Variants in RASSF3 observed in about 807,000 individuals in gnomAD.
RASSF3 encodes ras association domain-containing protein 3.
A neutral mutation model predicts 19.9 loss-of-function variants in RASSF3; 19 were observed. That is an observed-to-expected ratio of 0.96 (90% CI 0.67 to 1.40). The LOEUF is 1.40. RASSF3 is among the 40% of genes most tolerant of loss of function. The pLI, the probability that RASSF3 is intolerant of heterozygous loss-of-function variation, is 0.00. For missense variants in RASSF3, 306 were observed against 289.8 expected, an observed-to-expected ratio of 1.06 and a Z score of -0.41; for synonymous variants, 110 against 104.2, an observed-to-expected ratio of 1.06 and a Z score of -0.34.
intron 1 of RASSF3, among the ~76,000 whole-genome samples, chr12:64,525,863 G>C (rs116060657): frequency 6.6e-6 from 1 of 152,088 alleles, no homozygotes; most frequent in Non-Finnish European, 1.5e-5. Context: ...ACTGTGATGC[G>C]TGTGAAAGAC....
downstream of RASSF3, among the ~76,000 whole-genome samples, chr12:64,544,224 C>A (rs185599020): frequency 4.0e-5 from 6 of 151,850 alleles, no homozygotes; most frequent in Admixed American, 2.6e-4. Context: ...GTGAAGCCAT[C>A]GAGACCACGA....
At chr12:64,586,494 A>C (rs1869805012) in intron 2 of RASSF3, among the ~76,000 whole-genome samples, 1 of 141,284 alleles carries the variant, frequency 7.1e-6, no homozygotes, top group Non-Finnish European at 1.6e-5. Flanking sequence ...CTTCTCAGAA[A>C]AAAAAAAAAA....
chr12:64,536,056 T>G (rs1250237936), intron 1 of RASSF3, among the ~76,000 whole-genome samples: 1 of 138,716 alleles, frequency 7.2e-6, no homozygotes, highest in African/African-American at 2.7e-5. Flanking sequence ...TGGAGTGCAG[T>G]GGCACAATCT....
chr12:64,514,188 CTTTTT>C (rs138925359), intron 1 of RASSF3, among the ~76,000 whole-genome samples: 2 of 77,988 alleles, frequency 2.6e-5, no homozygotes, highest in Non-Finnish European at 4.5e-5. Context: ...CGCTCAGCCT[CTTTTT>C]TTTTTTTTTT....
intron 1 of RASSF3, among the ~76,000 whole-genome samples, chr12:64,681,188 TG>T (rs1873112909): frequency 1.3e-5 from 2 of 152,144 alleles, no homozygotes; most frequent in African/African-American, 4.8e-5. Flanking sequence ...CTCACGTGAG[TG>T]GTAGTAAGCC....
chr12:64,634,768 A>T (rs1361527592), intron 1 of RASSF3, among the ~76,000 whole-genome samples: 3 of 65,908 alleles, frequency 4.6e-5, no homozygotes, highest in South Asian at 4.4e-4. Flanking sequence ...CTCATAAAAA[A>T]AAAAAAAAAA....
intron 1 of RASSF3, among the ~76,000 whole-genome samples, chr12:64,624,694 C>G (rs1870923580): frequency 6.6e-6 from 1 of 152,128 alleles, no homozygotes; most frequent in Admixed American, 6.5e-5. Context: ...GAGTCTTGCT[C>G]TGTTGCCCAG....
chr12:64,524,296 A>G (rs1406566476), intron 1 of RASSF3, among the ~76,000 whole-genome samples: 2 of 151,580 alleles, frequency 1.3e-5, no homozygotes, highest in African/African-American at 4.9e-5. Flanking sequence ...CATGTTGGCC[A>G]GGCTGATCTC....
At chr12:64,570,735 G>A (rs957711367) in intron 2 of RASSF3, among the ~76,000 whole-genome samples, 2 of 151,976 alleles carry the variant, frequency 1.3e-5, no homozygotes, top group East Asian at 1.9e-4. Context: ...CAAAAGAATC[G>A]AAGCTGCTTT....
At chr12:64,641,242 A>G (rs1871506962) in intron 1 of RASSF3, among the ~76,000 whole-genome samples, 1 of 150,344 alleles carries the variant, frequency 6.7e-6, no homozygotes, top group Non-Finnish European at 1.5e-5. Flanking sequence ...CTAAATATAC[A>G]AAAACTAGCT....
chr12:64,648,972 A>G (rs1871840814), intron 1 of RASSF3, among the ~76,000 whole-genome samples: 1 of 151,686 alleles, frequency 6.6e-6, no homozygotes, highest in African/African-American at 2.4e-5. Context: ...TGCCCGGCTA[A>G]TGATTTAAAA....
chr12:64,686,639 C>T lies in RASSF3; in HGVS notation c.220-1577C>T, dbSNP rs546203297. 3.1e-4 allele frequency among the ~76,000 whole-genome samples: 46 copies of T among 149,718 alleles called. No individual in the cohort carries two copies. The South Asian group carries it at 9.4e-3, about 31-fold the overall frequency. On this transcript the variant is annotated intron_variant, in intron 2 of 4. Transcript: ENST00000542104. ...AAAAAGAGTTCAAGGCCAGCCTAGTCAACATGGCAAAACCCCATCTCTCCT... is the reference window on the plus strand; with the variant it reads ...AAAAAGAGTTCAAGGCCAGCCTAGTTAACATGGCAAAACCCCATCTCTCCT...
intron 1 of RASSF3, among the ~76,000 whole-genome samples, chr12:64,519,238 A>G (rs1349961710): frequency 2.0e-5 from 3 of 152,146 alleles, no homozygotes; most frequent in African/African-American, 7.2e-5. Context: ...CATCTCTACT[A>G]AAAATAGAAA....
chr12:64,583,581 C>A (rs188162277), intron 2 of RASSF3, among the ~76,000 whole-genome samples: 313 of 152,352 alleles, frequency 2.1e-3, no homozygotes, highest in Admixed American at 3.2e-3. Flanking sequence ...AAGATTGCGC[C>A]ATTGCACTCC....
chr12:64,636,334 G>A lies in RASSF3; in HGVS notation c.111+25591G>A, dbSNP rs1326157428. 2.0e-5 allele frequency among the ~76,000 whole-genome samples: 3 copies of A among 151,850 alleles called. No homozygotes were observed. In the East Asian group the frequency reaches 5.9e-4, roughly 30 times the overall value. On this transcript the variant is annotated intron_variant, in intron 1 of 4. Coordinates refer to ENST00000542104, the MANE Select transcript of RASSF3 (RefSeq NM_178169.4). The stretch of plus-strand genomic sequence containing the variant: ...TTTGCCATGTTGCCAGGCTGGTCTT[G>A]GATTCCCGACCTCAGGCTATCTGTC...
intron 1 of RASSF3, among the ~76,000 whole-genome samples, chr12:64,520,555 C>CATATATAT (rs66975333): frequency 0.011 from 954 of 85,658 alleles, 15 homozygotes; most frequent in Non-Finnish European, 0.014. Context: ...CACATACACA[C>CATATATAT]ATATATATAT....
chr12:64,525,088 C>T (rs2136106205), intron 1 of RASSF3, among the ~76,000 whole-genome samples: 1 of 152,170 alleles, frequency 6.6e-6, no homozygotes, highest in South Asian at 2.1e-4. Flanking sequence ...CCAGCATAGC[C>T]AACATGGTGA....
chr12:64,568,059 T>C (rs1430979049), intron 2 of RASSF3, among the ~76,000 whole-genome samples: 1 of 152,164 alleles, frequency 6.6e-6, no homozygotes, highest in Non-Finnish European at 1.5e-5. Context: ...TGAGATGGAG[T>C]CTCGCTCTGT....
At position 64,688,837 on chromosome 12, in the gene RASSF3, C is replaced by T. The variant is rs139228520; in HGVS notation, c.457+384C>T. On this transcript the variant is annotated intron_variant, in intron 3 of 4. Transcript: ENST00000542104. The stretch of plus-strand genomic sequence containing the variant: ...AATAGCACATTCCACATTTGATGTG[C>T]ATCAGTACGTGGAGTGGTTTGGTGG... Among the ~76,000 whole-genome samples, 705 of 152,280 alleles carry T rather than the reference C, an allele frequency of 4.6e-3. 6 individuals are homozygous for T. The highest frequency in any genetic ancestry group is 0.017 in the African/African-American group (686 of 41,550).
Sources: allele counts gnomAD v4.1 joint callset (sites outside exome capture counted in the v4.1 genomes callset), GRCh38; gene constraint gnomAD v4.1.1; transcripts MANE v1.5; gene names NCBI Gene and HGNC (gene_info 2026-07-23, HGNC 2026-07-21).